The following EXOC2 variants were observed in gnomAD, a reference collection of about 807,000 sequenced individuals.
EXOC2 encodes SEC5-like 1.
A neutral mutation model predicts 131.8 loss-of-function variants in EXOC2; 70 were observed. That is an observed-to-expected ratio of 0.53 (90% confidence interval 0.44 to 0.65). The LOEUF (loss-of-function observed/expected upper bound fraction) is 0.65. Among genes scored for constraint, EXOC2 ranks in the 30% least tolerant of loss-of-function variants. The probability of loss-of-function intolerance (pLI) is 0.00; values close to 1 mark genes in which losing one functional copy is unlikely to be tolerated. For synonymous variants in EXOC2, 411 were observed against 398.4 expected (o/e 1.03, Z -0.38); for missense variants, 923 against 1,108.6 (o/e 0.83, Z 2.38).
intron 1 of EXOC2, among the ~76,000 whole-genome samples, chr6:646,647 T>C (rs1175026527): frequency 6.6e-6 from 1 of 152,198 alleles, no homozygotes; most frequent in African/African-American, 2.4e-5. Context: ...ATCAGCAAAA[T>C]GCACAAATAA....
intron 23 of EXOC2, among the ~76,000 whole-genome samples, chr6:517,667 T>C (rs1377439674): frequency 6.6e-6 from 1 of 152,214 alleles, no homozygotes; most frequent in Admixed American, 6.5e-5. Flanking sequence ...TTTTAAAGGG[T>C]ATACCAAGCT....
At chr6:691,323 T>C (rs1215144034) in intron 1 of EXOC2, among the ~76,000 whole-genome samples, 3 of 152,072 alleles carry the variant, frequency 2.0e-5, no homozygotes, top group African/African-American at 7.3e-5. Flanking sequence ...TATACACGGA[T>C]TTTTTCAACA....
At chr6:502,296 G>A (rs936163635) in intron 23 of EXOC2, among the ~76,000 whole-genome samples, 4 of 152,302 alleles carry the variant, frequency 2.6e-5, no homozygotes, top group South Asian at 2.1e-4. Flanking sequence ...TCAGGATTTG[G>A]GGCTCTAACG....
chr6:682,638 T>C (rs1460867697), intron 1 of EXOC2, among the ~76,000 whole-genome samples: 1 of 152,180 alleles, frequency 6.6e-6, no homozygotes, highest in Non-Finnish European at 1.5e-5. Context: ...TGACTAACAA[T>C]ATTATGCATA....
chr6:673,269 A>T (rs1342824094), intron 1 of EXOC2, among the ~76,000 whole-genome samples: 5 of 14,772 alleles, frequency 3.4e-4, no homozygotes, highest in Non-Finnish European at 1.0e-3. Context: ...AAAAAAAAAA[A>T]AAAAAAAAAA....
In EXOC2 at chr6:556,568, A is replaced by C. The variant is rs1757430938; in HGVS notation, c.1852-4T>G. On this transcript the variant is annotated splice_polypyrimidine_tract_variant and splice_region_variant and intron_variant, in intron 17 of 27. Coordinates refer to ENST00000230449, the MANE Select transcript of EXOC2 (RefSeq NM_018303.6). Reference sequence around the variant, plus strand: ...TGCACTGTTCAAACTGACATGGCTGAAGGGAAAACAGCATATTGTAAAACT... The same window carrying C: ...TGCACTGTTCAAACTGACATGGCTGCAGGGAAAACAGCATATTGTAAAACT... 6.2e-7 allele frequency: 1 copy of C among 1,614,012 alleles called. No individual in the cohort carries two copies. Among genetic ancestry groups the C allele is most frequent in the Non-Finnish European group, 8.5e-7 (1 of 1,180,008 alleles).
chr6:530,420 C>G (rs1381417489), intron 23 of EXOC2, among the ~76,000 whole-genome samples: 1 of 152,228 alleles, frequency 6.6e-6, no homozygotes, highest in Non-Finnish European at 1.5e-5. Context: ...CGGCCTTGTG[C>G]TGAGACTGTC....
At chr6:536,237 C>T (rs1407912521) in intron 22 of EXOC2, among the ~76,000 whole-genome samples, 1 of 152,010 alleles carries the variant, frequency 6.6e-6, no homozygotes, top group Non-Finnish European at 1.5e-5. Flanking sequence ...GACATCATTA[C>T]GTATTTAGAA....
At chr6:679,344 C>G (rs9405909) in intron 1 of EXOC2, 64,648 of 151,962 alleles carry the variant, frequency 0.43, 14,855 homozygotes, top group East Asian at 0.66. Flanking sequence ...AACCAACCAA[C>G]GAACATAAAG....
At chr6:523,335 G>GCGT (rs1765576865) in intron 23 of EXOC2, among the ~76,000 whole-genome samples, 1 of 152,218 alleles carries the variant, frequency 6.6e-6, no homozygotes, top group African/African-American at 2.4e-5. Flanking sequence ...AGAACGCAGT[G>GCGT]CGTCCACCTC....
In EXOC2 at chr6:505,774, A is replaced by G. The variant is rs775479764; in HGVS notation, c.2381-6074T>C. Among the ~76,000 whole-genome samples, 14 of 152,204 alleles carry G rather than the reference A, an allele frequency of 9.2e-5. 1 individual carries two copies. Among genetic ancestry groups the G allele is most frequent in the Admixed American group, 1.3e-4 (2 of 15,284 alleles). On this transcript the variant is annotated intron_variant, in intron 23 of 27. Transcript: ENST00000230449. ...ATCATCTGCCATTCTCCTTCTCATC[A>G]TAGCCTCAGCTCCCATCACAGAGGT...
intron 6 of EXOC2, among the ~76,000 whole-genome samples, chr6:612,972 C>T (rs1324585001): frequency 1.3e-5 from 2 of 152,074 alleles, no homozygotes; most frequent in African/African-American, 2.4e-5. Flanking sequence ...AAATCGCCAC[C>T]AAAACAAAGG....
At chr6:660,704 C>T (rs893724772) in intron 1 of EXOC2, among the ~76,000 whole-genome samples, 1 of 152,114 alleles carries the variant, frequency 6.6e-6, no homozygotes. Flanking sequence ...TGAGAAGGAA[C>T]CAGAAAACCA....
At chr6:665,174 T>C (rs1374150220) in intron 1 of EXOC2, among the ~76,000 whole-genome samples, 2 of 152,028 alleles carry the variant, frequency 1.3e-5, no homozygotes, top group South Asian at 2.1e-4. Context: ...AACAAACATA[T>C]GAAAAAAATG....
At chr6:644,027 A>T (rs981109936) in intron 1 of EXOC2, among the ~76,000 whole-genome samples, 1 of 152,194 alleles carries the variant, frequency 6.6e-6, no homozygotes, top group African/African-American at 2.4e-5. Flanking sequence ...TAAATTCATT[A>T]TCAAAACTTT....
intron 6 of EXOC2, among the ~76,000 whole-genome samples, chr6:617,132 C>A (rs1345374625): frequency 6.6e-6 from 1 of 152,074 alleles, no homozygotes; most frequent in Non-Finnish European, 1.5e-5. Context: ...ATATAGATTA[C>A]TTTTTACTAA....
chr6:493,493 A>C (rs1299148695), intron 25 of EXOC2, among the ~76,000 whole-genome samples: 1 of 152,254 alleles, frequency 6.6e-6, no homozygotes. Flanking sequence ...AGAGTGTTTT[A>C]ATTAACCTGT....
intron 1 of EXOC2, among the ~76,000 whole-genome samples, chr6:638,318 G>A (rs987904648): frequency 6.6e-6 from 1 of 152,188 alleles, no homozygotes; most frequent in African/African-American, 2.4e-5. Flanking sequence ...TGTTTATATA[G>A]TATAGCAACT....
intron 10 of EXOC2, among the ~76,000 whole-genome samples, chr6:594,033 C>T (rs3823131): frequency 0.093 from 14,201 of 152,250 alleles, 1,170 homozygotes; most frequent in African/African-American, 0.22. Context: ...CTGAGAGCTG[C>T]CATCTCCTCC....
Sources: gnomAD v4.1 joint callset for allele counts (sites outside exome capture counted in the v4.1 genomes callset) on GRCh38, gnomAD v4.1.1 for gene constraint, MANE v1.5 for transcripts, NCBI Gene and HGNC (gene_info 2026-07-23, HGNC 2026-07-21) for gene names.